The following SCHIP1 variants were observed in gnomAD, a reference collection of about 807,000 sequenced individuals.
SCHIP1 encodes schwannomin interacting protein 1, also known as schwannomin-interacting protein 1.
In SCHIP1, 8 loss-of-function variants were observed where a neutral mutation model predicts 29.7. The ratio of observed to expected loss-of-function variants is 0.27; its 90% CI spans 0.16 to 0.49. The LOEUF is 0.49. Among genes scored for constraint, SCHIP1 ranks in the 20% least tolerant of loss-of-function variants. SCHIP1 has a pLI of 0.99. For synonymous variants in SCHIP1, 76 were observed against 94.9 expected (o/e 0.80, Z 1.16); for missense variants, 193 against 294.6 (o/e 0.66, Z 2.52).
upstream of SCHIP1, among the ~76,000 whole-genome samples, chr3:159,836,490 T>C (rs1184126257): frequency 6.6e-6 from 1 of 152,210 alleles, no homozygotes; most frequent in Non-Finnish European, 1.5e-5. Context: ...ATTCAGACCA[T>C]AGGAGCATTG....
At chr3:159,431,396 A>T in the SCHIP1 span, among the ~76,000 whole-genome samples, 1 of 152,098 alleles carries the variant, frequency 6.6e-6, no homozygotes, top group Non-Finnish European at 1.5e-5. Context: ...AGGCAGAAAA[A>T]TGCAGGAGTA....
At chr3:159,660,295 A>G in the SCHIP1 span, among the ~76,000 whole-genome samples, 2 of 152,166 alleles carry the variant, frequency 1.3e-5, no homozygotes, top group South Asian at 2.1e-4. Context: ...GTAGGCCACA[A>G]ATAAAAGCCA....
chr3:159,724,697 T>C, the SCHIP1 span, among the ~76,000 whole-genome samples: 1 of 152,106 alleles, frequency 6.6e-6, no homozygotes, highest in Non-Finnish European at 1.5e-5. Context: ...GTCAAGAAAA[T>C]GAGTGACTCG....
the SCHIP1 span, among the ~76,000 whole-genome samples, chr3:159,601,540 G>C: frequency 1.3e-5 from 2 of 152,122 alleles, no homozygotes; most frequent in African/African-American, 4.8e-5. Flanking sequence ...GGGGAGGAGG[G>C]GTCATATTCT....
the SCHIP1 span, among the ~76,000 whole-genome samples, chr3:159,767,211 T>C: frequency 6.6e-6 from 1 of 152,230 alleles, no homozygotes. Context: ...TTTCAAACAG[T>C]AAGTTTCCCA....
At chr3:159,459,647 C>T in the SCHIP1 span, among the ~76,000 whole-genome samples, 4 of 152,112 alleles carry the variant, frequency 2.6e-5, no homozygotes, top group Non-Finnish European at 5.9e-5. Context: ...GTAGCCCAAA[C>T]AAAAAAGCTA....
At chr3:159,801,864 CA>C in the SCHIP1 span, among the ~76,000 whole-genome samples, 4 of 152,134 alleles carry the variant, frequency 2.6e-5, no homozygotes, top group South Asian at 8.3e-4. Context: ...ATCATAAAAA[CA>C]AAAGAACTTG....
At chr3:159,850,460 C>T (rs990840355) in intron 1 of SCHIP1, among the ~76,000 whole-genome samples, 5 of 144,264 alleles carry the variant, frequency 3.5e-5, no homozygotes, top group Admixed American at 1.5e-4. Flanking sequence ...AGGCTGAAAT[C>T]GAAGAATCAC....
chr3:159,723,513 T>G, the SCHIP1 span, among the ~76,000 whole-genome samples: 5 of 152,242 alleles, frequency 3.3e-5, no homozygotes, highest in Non-Finnish European at 5.9e-5. Flanking sequence ...ATAAGAACAT[T>G]TTTAATGATA....
chr3:159,568,973 A>T, the SCHIP1 span, among the ~76,000 whole-genome samples: 1 of 152,172 alleles, frequency 6.6e-6, no homozygotes, highest in African/African-American at 2.4e-5. Flanking sequence ...AGACCATTTT[A>T]TCTCTTTAAC....
chr3:159,704,230 T>C, the SCHIP1 span, among the ~76,000 whole-genome samples: 2 of 150,712 alleles, frequency 1.3e-5, no homozygotes, highest in African/African-American at 4.9e-5. Flanking sequence ...AGCTCAGGAG[T>C]TCAAGGTCAG....
At chr3:159,773,417 C>A in the SCHIP1 span, among the ~76,000 whole-genome samples, 1 of 152,194 alleles carries the variant, frequency 6.6e-6, no homozygotes, top group Non-Finnish European at 1.5e-5. Flanking sequence ...ACCTAACTTC[C>A]TCAGCCCAAG....
At chr3:159,599,379 C>A in the SCHIP1 span, among the ~76,000 whole-genome samples, 1 of 152,120 alleles carries the variant, frequency 6.6e-6, no homozygotes, top group Non-Finnish European at 1.5e-5. Flanking sequence ...ACACTGTACC[C>A]AATGTGGTGG....
chr3:159,743,264 C>A, the SCHIP1 span, among the ~76,000 whole-genome samples: 1 of 152,260 alleles, frequency 6.6e-6, no homozygotes, highest in Admixed American at 6.5e-5. Context: ...TATCCATACA[C>A]ATTAAAAATA....
the SCHIP1 span, among the ~76,000 whole-genome samples, chr3:159,807,600 A>G: frequency 0.16 from 23,858 of 152,074 alleles, 1,969 homozygotes; most frequent in African/African-American, 0.22. Flanking sequence ...ATCATAATTT[A>G]TGTGTGTGTT....
the SCHIP1 span, among the ~76,000 whole-genome samples, chr3:159,782,673 A>G: frequency 5.3e-5 from 8 of 152,208 alleles, no homozygotes; most frequent in Admixed American, 2.0e-4. Context: ...AACTCATTCT[A>G]TATATTGGCT....
the SCHIP1 span, among the ~76,000 whole-genome samples, chr3:159,626,032 C>T: frequency 2.7e-5 from 4 of 150,906 alleles, no homozygotes; most frequent in African/African-American, 9.8e-5. Flanking sequence ...CTATACTAAA[C>T]TTGTGGCACC....
intron 2 of SCHIP1, among the ~76,000 whole-genome samples, chr3:159,879,862 T>C (rs1716260950): frequency 6.6e-6 from 1 of 152,182 alleles, no homozygotes; most frequent in Admixed American, 6.5e-5. Flanking sequence ...GAAAAGCTGG[T>C]GAGTGATAGT....
the SCHIP1 span, among the ~76,000 whole-genome samples, chr3:159,724,150 A>G: frequency 2.6e-5 from 4 of 152,202 alleles, no homozygotes; most frequent in African/African-American, 4.8e-5. Context: ...TATTTTCTAT[A>G]GGGATTGACC....
Sources: allele counts gnomAD v4.1 joint callset (sites outside exome capture counted in the v4.1 genomes callset), GRCh38; gene constraint gnomAD v4.1.1; transcripts MANE v1.5; gene names NCBI Gene and HGNC (gene_info 2026-07-23, HGNC 2026-07-21).